PPP2CA: variants seen among roughly 807,000 people sequenced by gnomAD.
PPP2CA encodes serine/threonine-protein phosphatase 2A catalytic subunit alpha isoform.
A neutral mutation model predicts 38.8 loss-of-function variants in PPP2CA; 5 were observed. The observed-to-expected ratio is 0.13, with a 90% CI of 0.07 to 0.27. The LOEUF (loss-of-function observed/expected upper bound fraction) is 0.27. PPP2CA is among the 10% of genes least tolerant of loss of function. The probability of loss-of-function intolerance (pLI) is 1.00; values close to 1 mark genes in which losing one functional copy is unlikely to be tolerated. For synonymous variants in PPP2CA, 152 were observed against 134.0 expected, an observed-to-expected ratio of 1.13 and a Z score of -0.93; for missense variants, 88 against 389.7, an observed-to-expected ratio of 0.23 and a Z score of 6.52.
chr5:134,212,023 G>C (rs1762215136), intron 1 of PPP2CA, among the ~76,000 whole-genome samples: 2 of 152,144 alleles, frequency 1.3e-5, no homozygotes, highest in Admixed American at 1.3e-4. Flanking sequence ...GGGAGGCTGA[G>C]GTAGGAGAAT....
chr5:134,211,280 A>G (rs936334391), intron 1 of PPP2CA, among the ~76,000 whole-genome samples: 30 of 152,076 alleles, frequency 2.0e-4, no homozygotes, highest in African/African-American at 7.2e-4. Context: ...TCCTCTCAGC[A>G]TTCTGGTTTG....
Position 134,194,580 on chromosome 5 carries a change from T to C in PPP2CA, c.*3192A>G, listed in dbSNP as rs915173683. On this transcript the variant is annotated 3_prime_UTR_variant, in exon 7 of 7. Coordinates refer to ENST00000481195, the MANE Select transcript of PPP2CA (RefSeq NM_002715.4). ...GAACCACCACCATGTATCCCAATTT[T>C]CTTAAGTATGTACTTAGGAAACAGC... The C allele has an allele frequency of 6.6e-6, 1 of 152,256 alleles. No homozygotes were observed. The highest frequency in any genetic ancestry group is 2.4e-5 in the African/African-American group (1 of 41,454). 9.4% of individuals were successfully genotyped at this position (152,256 alleles called of 1,614,324 possible).
At chr5:134,212,640 G>C (rs554645308) in intron 1 of PPP2CA, among the ~76,000 whole-genome samples, 1 of 152,256 alleles carries the variant, frequency 6.6e-6, no homozygotes, top group South Asian at 2.1e-4. Context: ...ATTAAACTTA[G>C]GAGAGGGCAT....
chr5:134,225,471 G>A (rs1580655566), intron 1 of PPP2CA: 1 of 361,600 alleles, frequency 2.8e-6, no homozygotes. Context: ...ATGACCCACA[G>A]GGTCTCCGCT....
chr5:134,204,288 T>G (rs1309639639), intron 2 of PPP2CA, among the ~76,000 whole-genome samples: 1 of 152,204 alleles, frequency 6.6e-6, no homozygotes, highest in Non-Finnish European at 1.5e-5. Context: ...TGGGTAAAGG[T>G]AAAGTCAAAC....
Position 134,197,775 on chromosome 5 carries a change from C to A in PPP2CA, c.927G>T (p.Leu309=). ...HVTRRTPDYF[L] is the part of the protein sequence containing the mutation. ...ACTGTACAAGTTTAAAATTTCATTA[C>A]AGGAAGTAGTCTGGGGTACGACGAG... Residue 309 remains leucine (L), a synonymous_variant, in exon 7 of 7, where the codon CTG becomes CTT. Transcript: ENST00000481195. 6.2e-7 allele frequency: 1 copy of A among 1,613,366 alleles called. No homozygotes were observed. Among genetic ancestry groups the A allele is most frequent in the Non-Finnish European group, 8.5e-7 (1 of 1,179,344 alleles).
chr5:134,219,928 T>C (rs751960717), intron 1 of PPP2CA, among the ~76,000 whole-genome samples: 4 of 150,092 alleles, frequency 2.7e-5, no homozygotes, highest in Non-Finnish European at 2.9e-5. Flanking sequence ...GGAGAAACAC[T>C]TGAACGTGGG....
chr5:134,224,328 G>T lies in PPP2CA; in HGVS notation c.102+1432C>A, dbSNP rs1193910229. 6.6e-6 allele frequency: 3 copies of T among 455,026 alleles called. No individual in the cohort carries two copies. In the Admixed American group the frequency reaches 7.1e-5, roughly 11 times the overall value. The allele number at this position is 455,026 out of a possible 1,614,324, so 28.2% of individuals were successfully genotyped here. ...CTACCATTAAAAGGCATCTCCAACA[G>T]ATGATGTGCCACCTCATCCACTAGT... On this transcript the variant is annotated intron_variant, in intron 1 of 6. Coordinates refer to ENST00000481195, the MANE Select transcript of PPP2CA (RefSeq NM_002715.4).
intron 2 of PPP2CA, among the ~76,000 whole-genome samples, chr5:134,204,045 T>C (rs1210089742): frequency 1.3e-5 from 2 of 152,198 alleles, no homozygotes; most frequent in African/African-American, 2.4e-5. Flanking sequence ...CCTTCCACCA[T>C]CTAGTCCAAC....
intron 1 of PPP2CA, among the ~76,000 whole-genome samples, chr5:134,216,104 A>C (rs1762314749): frequency 6.6e-6 from 1 of 152,208 alleles, no homozygotes; most frequent in African/African-American, 2.4e-5. Flanking sequence ...TAACAGTACC[A>C]ATTCTGGCAC....
intron 2 of PPP2CA, among the ~76,000 whole-genome samples, chr5:134,204,780 G>C (rs562539002): frequency 3.3e-5 from 5 of 152,042 alleles, no homozygotes; most frequent in Non-Finnish European, 7.4e-5. Context: ...GATTATTACT[G>C]TCATGGTTAA....
At chr5:134,217,416 C>A (rs1762343681) in intron 1 of PPP2CA, among the ~76,000 whole-genome samples, 1 of 152,086 alleles carries the variant, frequency 6.6e-6, no homozygotes, top group South Asian at 2.1e-4. Context: ...AGAAGAAACA[C>A]TGGAAAAAAT....
intron 4 of PPP2CA, 158 bp downstream of exon 4, chr5:134,200,827 A>G: frequency 1.5e-6 from 1 of 681,474 alleles, no homozygotes; most frequent in East Asian, 2.7e-5. Flanking sequence ...CAGGTTTCTT[A>G]ATGTCAGCTT....
chr5:134,216,493 T>C (rs897433400), intron 1 of PPP2CA, among the ~76,000 whole-genome samples: 3 of 133,922 alleles, frequency 2.2e-5, no homozygotes, highest in African/African-American at 8.6e-5. Flanking sequence ...TGGGCTGAGA[T>C]TGTGCCACTG....
chr5:134,209,995 T>C (rs1762171151), intron 1 of PPP2CA, among the ~76,000 whole-genome samples: 1 of 151,968 alleles, frequency 6.6e-6, no homozygotes, highest in South Asian at 2.1e-4. Flanking sequence ...GGAGAATCGC[T>C]TGAGCCCAGA....
At chr5:134,216,093 A>G (rs913108142) in intron 1 of PPP2CA, among the ~76,000 whole-genome samples, 1 of 152,256 alleles carries the variant, frequency 6.6e-6, no homozygotes, top group Non-Finnish European at 1.5e-5. Context: ...AGTTAATCAC[A>G]TAACAGTACC....
At chr5:134,222,007 T>A (rs1762456856) in intron 1 of PPP2CA, among the ~76,000 whole-genome samples, 1 of 151,536 alleles carries the variant, frequency 6.6e-6, no homozygotes, top group South Asian at 2.1e-4. Context: ...TATGAAAGTG[T>A]TGACTTCCCA....
chr5:134,198,420 C>T (rs909331201), intron 6 of PPP2CA, among the ~76,000 whole-genome samples: 4 of 150,782 alleles, frequency 2.7e-5, no homozygotes, highest in African/African-American at 9.8e-5. Context: ...CAAAAAAACA[C>T]AAAACATGGT....
intron 1 of PPP2CA, among the ~76,000 whole-genome samples, chr5:134,216,776 T>C (rs1195049846): frequency 6.6e-6 from 1 of 152,106 alleles, no homozygotes; most frequent in African/African-American, 2.4e-5. Flanking sequence ...AGCACCAGGA[T>C]TGTAGGTATG....
Sources: allele counts gnomAD v4.1 joint callset (sites outside exome capture counted in the v4.1 genomes callset), GRCh38; gene constraint gnomAD v4.1.1; transcripts MANE v1.5; gene names NCBI Gene and HGNC (gene_info 2026-07-23, HGNC 2026-07-21).